MICAL3: variants seen among roughly 807,000 people sequenced by gnomAD.
MICAL3 encodes microtubule associated monooxygenase, calponin and LIM domain containing 3, also known as [F-actin]-monooxygenase MICAL3.
MICAL3 carries 62 observed loss-of-function variants against 207.4 expected under a neutral mutation model. The observed-to-expected ratio is 0.30, with a 90% CI of 0.24 to 0.37. MICAL3 has a LOEUF of 0.37. Ranked by LOEUF, MICAL3 falls within the 10% of genes least tolerant of loss-of-function variation. The pLI, the probability that MICAL3 is intolerant of heterozygous loss-of-function variation, is 1.00. For synonymous variants in MICAL3, 1,077 were observed against 1,069.3 expected (o/e 1.01, Z -0.14); for missense variants, 2,368 against 2,635.6 (o/e 0.90, Z 2.22).
At chr22:17,874,365 G>A (rs1305897858) in intron 16 of MICAL3, among the ~76,000 whole-genome samples, 2 of 152,132 alleles carry the variant, frequency 1.3e-5, no homozygotes, top group East Asian at 1.9e-4. Flanking sequence ...CACTGAGGGA[G>A]CAGAAAATGG....
rs1381221915 is a variant in MICAL3 at position 17,810,690 on chromosome 22, T to C, written c.5556+13A>G. On this transcript the variant is annotated intron_variant, in intron 28 of 31. Coordinates refer to ENST00000441493, the MANE Select transcript of MICAL3 (RefSeq NM_015241.3). ...CCATGCATGTGCCCTGGTCCCATCC[T>C]CCATGGTTTTACCTGGGCTCGATGC... The C allele has an allele frequency of 6.2e-7, 1 of 1,609,802 alleles. No individual in the cohort carries two copies. Among genetic ancestry groups the C allele is most frequent in the Admixed American group, 1.7e-5 (1 of 59,994 alleles).
chr22:17,956,411 C>T (rs987038372), intron 1 of MICAL3, among the ~76,000 whole-genome samples: 6 of 152,166 alleles, frequency 3.9e-5, no homozygotes, highest in African/African-American at 7.2e-5. Flanking sequence ...TGGTGGCTCA[C>T]GGCTATAATC....
chr22:17,992,017 C>A (rs1921738376), intron 1 of MICAL3, among the ~76,000 whole-genome samples: 1 of 152,074 alleles, frequency 6.6e-6, no homozygotes, highest in Admixed American at 6.6e-5. Flanking sequence ...GCCTCCATGC[C>A]CAGGACTGCT....
intron 16 of MICAL3, among the ~76,000 whole-genome samples, chr22:17,877,486 TGGAGGTTAGGGAGGTTATGGAGGTTAG>T (rs1928899534): frequency 4.8e-5 from 4 of 83,258 alleles, no homozygotes; most frequent in African/African-American, 1.1e-4. Context: ...AGGGAGGTTA[TGGAGGTTAGGGAGGTTATGGAGGTTAG>T]GGAGGTTAGG....
Position 17,981,668 on chromosome 22 carries a change from G to A in MICAL3, c.-75+42613C>T, listed in dbSNP as rs139775287. 4.9e-3 allele frequency among the ~76,000 whole-genome samples: 752 copies of A among 152,260 alleles called. 9 individuals carry two copies. Among genetic ancestry groups the A allele is most frequent in the South Asian group, 8.3e-3 (40 of 4,820 alleles). ...CGCAGACACAGTTGGGAACAGATGC[G>A]CATGCACAGCACTACCTGGTGTCTC... is the stretch of plus-strand genomic sequence containing the variant. On this transcript the variant is annotated intron_variant, in intron 1 of 31. Transcript: ENST00000441493.
intron 1 of MICAL3, among the ~76,000 whole-genome samples, chr22:18,008,688 C>T (rs1204554620): frequency 1.3e-5 from 2 of 152,162 alleles, no homozygotes; most frequent in African/African-American, 4.8e-5. Context: ...TATTTCTAGG[C>T]TAATATCTCA....
At chr22:17,802,137 A>G (rs2061947180) in intron 29 of MICAL3, among the ~76,000 whole-genome samples, 2 of 150,528 alleles carry the variant, frequency 1.3e-5, no homozygotes, top group Non-Finnish European at 3.0e-5. Context: ...ATCACAGCTC[A>G]CTGCAGCCTC....
chr22:17,971,119 G>A (rs1258510927), intron 1 of MICAL3, among the ~76,000 whole-genome samples: 1 of 152,174 alleles, frequency 6.6e-6, no homozygotes, highest in Non-Finnish European at 1.5e-5. Flanking sequence ...GGAGGTCGCA[G>A]TGAGCTGAGA....
intron 22 of MICAL3, 78 bp from the exon 23 acceptor site, chr22:17,823,138 T>C (rs1271726317): frequency 2.0e-6 from 2 of 977,838 alleles, no homozygotes; most frequent in Non-Finnish European, 3.2e-6. Context: ...GGGCGAGAGG[T>C]ACTGCCTTTC....
intron 1 of MICAL3, among the ~76,000 whole-genome samples, chr22:17,937,048 C>G (rs1933569302): frequency 6.6e-6 from 1 of 152,196 alleles, no homozygotes; most frequent in African/African-American, 2.4e-5. Flanking sequence ...CCACTTACAA[C>G]TCGTAGTTCC....
At chr22:17,925,686 G>C (rs909925445) in intron 1 of MICAL3, among the ~76,000 whole-genome samples, 2 of 152,118 alleles carry the variant, frequency 1.3e-5, no homozygotes, top group Non-Finnish European at 2.9e-5. Flanking sequence ...AACTCTTGTT[G>C]AGAATAGTGC....
chr22:17,876,744 G>A (rs921645825), intron 16 of MICAL3: 7 of 150,432 alleles, frequency 4.7e-5, no homozygotes, highest in East Asian at 3.9e-4. Flanking sequence ...GCTTATGGAG[G>A]TTAGGGAGGT....
At chr22:17,880,856 C>A (rs951532307) in intron 16 of MICAL3, among the ~76,000 whole-genome samples, 1 of 152,214 alleles carries the variant, frequency 6.6e-6, no homozygotes, top group African/African-American at 2.4e-5. Context: ...CACTGTGCAG[C>A]GAGAGAAAAG....
intron 12 of MICAL3, 118 bp downstream of exon 12, chr22:17,891,367 G>C: frequency 1.2e-6 from 1 of 842,008 alleles, no homozygotes; most frequent in Non-Finnish European, 1.9e-6. Flanking sequence ...CTGCCTTCTA[G>C]AGAAAGTATC....
At position 17,900,287 on chromosome 22, in the gene MICAL3, C is replaced by G. The variant is rs889758725; in HGVS notation, c.847+555G>C. On this transcript the variant is annotated intron_variant, in intron 6 of 31. Transcript: ENST00000441493. The surrounding 1 kb of genome is among the most constrained non-coding windows in gnomAD (Gnocchi z 4.0). ...TTGGGAAGAACTAGTGGAGGCAGAACGAATGCTTTACAACAAATAAACGAA... is the reference window on the plus strand; with the variant it reads ...TTGGGAAGAACTAGTGGAGGCAGAAGGAATGCTTTACAACAAATAAACGAA... Among the ~76,000 whole-genome samples the G allele has an allele frequency of 6.6e-6, 1 of 152,154 alleles. No homozygotes were observed. The highest frequency in any genetic ancestry group is 1.9e-4 in the East Asian group (1 of 5,196).
chr22:18,002,770 C>T (rs1602388111), intron 1 of MICAL3, among the ~76,000 whole-genome samples: 1 of 152,172 alleles, frequency 6.6e-6, no homozygotes, highest in South Asian at 2.1e-4. Context: ...TGTCTGATGG[C>T]CTTCACACAC....
chr22:17,880,364 T>C (rs986369211), intron 16 of MICAL3, among the ~76,000 whole-genome samples: 3 of 152,228 alleles, frequency 2.0e-5, no homozygotes, highest in African/African-American at 4.8e-5. Flanking sequence ...CTGAGCGTGC[T>C]TTCCAGGCGA....
At chr22:18,019,806 A>ATTTTTGTTTTTTT (rs1924327368) in intron 1 of MICAL3, 1 of 77,778 alleles carries the variant, frequency 1.3e-5, no homozygotes, top group African/African-American at 6.0e-5. Context: ...AATGCTGCTG[A>ATTTTTGTTTTTTT]TTTTTTTTTT....
At chr22:17,930,393 T>C (rs563122258) in intron 1 of MICAL3, among the ~76,000 whole-genome samples, 12 of 152,232 alleles carry the variant, frequency 7.9e-5, no homozygotes, top group East Asian at 7.7e-4. Context: ...TACTCAAAAA[T>C]TGGAAACATT....
Sources: allele counts gnomAD v4.1 joint callset (sites outside exome capture counted in the v4.1 genomes callset), GRCh38; gene constraint gnomAD v4.1.1; non-coding constraint Gnocchi (gnomAD v3.1); transcripts MANE v1.5; gene names NCBI Gene and HGNC (gene_info 2026-07-23, HGNC 2026-07-21).